Variants in VPS41 observed in about 807,000 individuals in gnomAD.
VPS41 encodes vacuolar protein sorting-associated protein 41 homolog.
A neutral mutation model predicts 130.9 loss-of-function variants in VPS41; 85 were observed. The observed-to-expected ratio is 0.65, with a 90% confidence interval of 0.55 to 0.78. The LOEUF (loss-of-function observed/expected upper bound fraction) is 0.78, where lower values mean the gene tolerates loss of function less well. Ranked by LOEUF, VPS41 falls within the 30% of genes least tolerant of loss-of-function variation. The probability of loss-of-function intolerance (pLI) is 0.00; values close to 1 mark genes in which losing one functional copy is unlikely to be tolerated. For missense variants in VPS41, 874 were observed against 1,018.7 expected (o/e 0.86, Z 1.93); for synonymous variants, 335 against 332.9 (o/e 1.01, Z -0.07).
chr7:38,884,430 A>C (rs1265756410), intron 2 of VPS41, among the ~76,000 whole-genome samples: 1 of 152,254 alleles, frequency 6.6e-6, no homozygotes, highest in Non-Finnish European at 1.5e-5. Context: ...TGGAAGAACT[A>C]AACCAGAACT....
At chr7:38,807,291 C>G (rs1331311212) in intron 7 of VPS41, among the ~76,000 whole-genome samples, 1 of 152,210 alleles carries the variant, frequency 6.6e-6, no homozygotes, top group Non-Finnish European at 1.5e-5. Context: ...CCGCAGGGCA[C>G]TGACACAGCT....
chr7:38,868,764 A>T, intron 3 of VPS41, among the ~76,000 whole-genome samples: 1 of 152,170 alleles, frequency 6.6e-6, no homozygotes, highest in Non-Finnish European at 1.5e-5. Context: ...ACTTAATAAA[A>T]GAATAACTTA....
intron 18 of VPS41, among the ~76,000 whole-genome samples, chr7:38,758,141 C>T (rs777503684): frequency 3.4e-4 from 52 of 152,148 alleles, no homozygotes; most frequent in Non-Finnish European, 7.2e-4. Context: ...TAGGGGTTCT[C>T]TTCTCTGGGA....
At chr7:38,796,379 A>G (rs1390998245) in intron 8 of VPS41, 5 of 439,054 alleles carry the variant, frequency 1.1e-5, no homozygotes, top group South Asian at 6.7e-5. Context: ...GAAATCAGCA[A>G]TATTCTGCAC....
At chr7:38,829,384 C>A (rs10275873) in intron 5 of VPS41, among the ~76,000 whole-genome samples, 147,936 of 152,306 alleles carry the variant, frequency 0.97, 71,887 homozygotes, top group East Asian at 1. Flanking sequence ...GGCCCACTGA[C>A]TTTAGGGCAC....
Position 38,804,251 on chromosome 7 carries a change from G to C in VPS41, c.451-7387C>G, listed in dbSNP as rs145314199. Among the ~76,000 whole-genome samples, 712 of 152,056 alleles carry C rather than the reference G, an allele frequency of 4.7e-3. 5 individuals carry two copies. Among genetic ancestry groups the C allele is most frequent in the African/African-American group, 0.016 (649 of 41,470 alleles). On this transcript the variant is annotated intron_variant, in intron 7 of 28. Transcript: ENST00000310301. ...TATGTAGGTAAACTCGTGCCACAGG[G>C]GTTTGTTGTACAGATTATTTTGTCA...
At chr7:38,883,897 T>A (rs1459355860) in intron 2 of VPS41, among the ~76,000 whole-genome samples, 1 of 152,192 alleles carries the variant, frequency 6.6e-6, no homozygotes, top group Admixed American at 6.5e-5. Context: ...GCCTGAATGA[T>A]GCAATAATCA....
chr7:38,761,683 T>C (rs1046563719), intron 17 of VPS41, among the ~76,000 whole-genome samples: 1 of 151,988 alleles, frequency 6.6e-6, no homozygotes, highest in Non-Finnish European at 1.5e-5. Flanking sequence ...CCTCAGCCTC[T>C]AGGGTCAAGT....
intron 2 of VPS41, among the ~76,000 whole-genome samples, chr7:38,888,421 A>G (rs1360201100): frequency 6.6e-6 from 1 of 152,222 alleles, no homozygotes; most frequent in Non-Finnish European, 1.5e-5. Flanking sequence ...AGATCAAAAG[A>G]GACAAAGCAG....
intron 7 of VPS41, among the ~76,000 whole-genome samples, chr7:38,798,133 C>T (rs570343158): frequency 6.2e-4 from 94 of 152,196 alleles, no homozygotes; most frequent in African/African-American, 2.1e-3. Context: ...TAGAGGCCTT[C>T]GGGAGTGTCC....
intron 14 of VPS41, 148 bp from the exon 15 acceptor site, chr7:38,767,746 ACACT>A: frequency 2.3e-6 from 1 of 441,392 alleles, no homozygotes; most frequent in Non-Finnish European, 4.0e-6. Flanking sequence ...TTATGTAATT[ACACT>A]TGCTTCTTAA....
intron 19 of VPS41, 139 bp from the exon 20 acceptor site, chr7:38,755,075 TGG>T: frequency 1.5e-6 from 1 of 672,408 alleles, no homozygotes; most frequent in Non-Finnish European, 2.6e-6. Context: ...GGCTTTACAA[TGG>T]CTCTTATGGA....
At chr7:38,828,026 G>C (rs894038757) in intron 5 of VPS41, among the ~76,000 whole-genome samples, 1 of 151,778 alleles carries the variant, frequency 6.6e-6, no homozygotes, top group African/African-American at 2.4e-5. Context: ...TTTTAGAAAA[G>C]AACAAAAGTA....
intron 7 of VPS41, among the ~76,000 whole-genome samples, chr7:38,817,586 C>T (rs1349326012): frequency 6.6e-6 from 1 of 152,226 alleles, no homozygotes; most frequent in Non-Finnish European, 1.5e-5. Context: ...CCACTGCACT[C>T]CATCCTGGGC....
chr7:38,889,886 A>C (rs1264970371), intron 2 of VPS41, among the ~76,000 whole-genome samples: 1 of 152,218 alleles, frequency 6.6e-6, no homozygotes, highest in Non-Finnish European at 1.5e-5. Flanking sequence ...CTCAAAGTAC[A>C]TAAAGTAAAT....
At chr7:38,819,036 T>G (rs1445405393) in intron 6 of VPS41, among the ~76,000 whole-genome samples, 2 of 152,230 alleles carry the variant, frequency 1.3e-5, no homozygotes, top group Non-Finnish European at 2.9e-5. Flanking sequence ...TTCTATTGTT[T>G]CACATTCTTA....
At chr7:38,893,314 C>A (rs78941295) in intron 2 of VPS41, among the ~76,000 whole-genome samples, 2,824 of 152,322 alleles carry the variant, frequency 0.019, 93 homozygotes, top group African/African-American at 0.064. Flanking sequence ...CCCAGCTTCG[C>A]TGCCCAGACT....
chr7:38,757,311 C>A (rs1294879497), intron 18 of VPS41, among the ~76,000 whole-genome samples: 1 of 152,104 alleles, frequency 6.6e-6, no homozygotes, highest in Non-Finnish European at 1.5e-5. Context: ...GGATGAAGTT[C>A]TCATTTTAGT....
chr7:38,907,401 G>A (rs767933549), intron 1 of VPS41, among the ~76,000 whole-genome samples: 1 of 152,226 alleles, frequency 6.6e-6, no homozygotes, highest in Non-Finnish European at 1.5e-5. Context: ...AAGGGCAGCT[G>A]GGTCAAGGTC....
Sources: allele counts gnomAD v4.1 joint callset (sites outside exome capture counted in the v4.1 genomes callset), GRCh38; gene constraint gnomAD v4.1.1; transcripts MANE v1.5; gene names NCBI Gene and HGNC (gene_info 2026-07-23, HGNC 2026-07-21).